The following MBTPS1 variants were observed in gnomAD, a reference collection of about 807,000 sequenced individuals.
MBTPS1 encodes membrane bound transcription factor peptidase, site 1.
MBTPS1 carries 94 observed loss-of-function variants against 127.8 expected under a neutral mutation model. The ratio of observed to expected loss-of-function variants is 0.74; its 90% CI spans 0.62 to 0.87. The LOEUF (loss-of-function observed/expected upper bound fraction) is 0.87. Ranked by LOEUF, MBTPS1 falls within the 40% of genes least tolerant of loss-of-function variation. The pLI, the probability that MBTPS1 is intolerant of heterozygous loss-of-function variation, is 0.00. For synonymous variants in MBTPS1, 632 were observed against 509.4 expected (o/e 1.24, Z -3.24); for missense variants, 1,636 against 1,353.2 (o/e 1.21, Z -3.28).
intron 9 of MBTPS1, among the ~76,000 whole-genome samples, chr16:84,086,912 T>C (rs1166258113): frequency 3.3e-5 from 5 of 152,194 alleles, no homozygotes; most frequent in Admixed American, 6.5e-5. Flanking sequence ...TACAATTGTT[T>C]CTGTGTTAGC....
rs768025066 is a variant in MBTPS1, at chr16:84,095,697, G to A, written c.530C>T (p.Thr177Met). 5 of 1,614,206 alleles carry A rather than the reference G, an allele frequency of 3.1e-6. No homozygotes were observed. The highest frequency in any genetic ancestry group is 2.2e-5 in the South Asian group (2 of 91,090). Residue 177 changes from threonine (T) to methionine (M), a missense_variant, in exon 4 of 23, where the codon ACG (threonine) becomes ATG (methionine). By Grantham distance (81) the Thr-to-Met change is moderately conservative (BLOSUM62 -1). Transcript: ENST00000343411. ...CAGCCGTCTGCTCGAATGCCTTCCC[G>A]TAGCATGCCAGAAGCCAGAGCCCAG... ...LSLGSGFWHA[T>M]GRHSSRRLLR...
chr16:84,060,607 CA>C, intron 20 of MBTPS1, 74 bp downstream of exon 20: 1 of 1,541,594 alleles, frequency 6.5e-7, no homozygotes, highest in South Asian at 1.2e-5. Context: ...CTGGCAGGCA[CA>C]GCCACTGGCT....
chr16:84,087,258 G>A (rs1057124912), intron 9 of MBTPS1, 100 bp downstream of exon 9: 5 of 850,382 alleles, frequency 5.9e-6, no homozygotes, highest in Non-Finnish European at 7.9e-6. Context: ...GAGGGTGTCT[G>A]TGCACTTACA....
At chr16:84,115,559 G>T (rs946605408) in intron 1 of MBTPS1, among the ~76,000 whole-genome samples, 1 of 152,232 alleles carries the variant, frequency 6.6e-6, no homozygotes, top group African/African-American at 2.4e-5. Flanking sequence ...TAAAAGGAAT[G>T]AAATCCTGAT....
At chr16:84,065,632 G>C in intron 18 of MBTPS1, 58 bp downstream of exon 18, 1 of 1,084,712 alleles carries the variant, frequency 9.2e-7, no homozygotes, top group South Asian at 1.2e-5. Flanking sequence ...AGAGAGAAGC[G>C]GGGGAAAAGG....
chr16:84,099,801 T>C (rs1304406285), intron 2 of MBTPS1, among the ~76,000 whole-genome samples: 1 of 151,228 alleles, frequency 6.6e-6, no homozygotes, highest in Non-Finnish European at 1.5e-5. Flanking sequence ...AAGATCTCTA[T>C]GAATCACCTA....
chr16:84,108,775 G>T lies in MBTPS1; in HGVS notation c.-324-6668C>A, dbSNP rs753042726. Among the ~76,000 whole-genome samples the T allele has an allele frequency of 2.0e-5, 3 of 152,308 alleles. No homozygotes were observed. In the South Asian group the frequency reaches 6.2e-4, roughly 32 times the overall value. ...AGCCTGGCAAGTGAAGAAGGCACCAGGCAGGCAGTGGGGTGATAGCAGTGA... is the reference window on the plus strand; with the variant it reads ...AGCCTGGCAAGTGAAGAAGGCACCATGCAGGCAGTGGGGTGATAGCAGTGA... On this transcript the variant is annotated intron_variant, in intron 1 of 22. Transcript: ENST00000343411.
chr16:84,090,988 C>G (rs1188396051), intron 7 of MBTPS1, 46 bp from the exon 8 acceptor site: 1 of 904,352 alleles, frequency 1.1e-6, no homozygotes, highest in Admixed American at 2.4e-5. Flanking sequence ...TTTCATTAAA[C>G]ATATAACTGT....
At chr16:84,105,782 C>T (rs1396962998) in intron 1 of MBTPS1, among the ~76,000 whole-genome samples, 3 of 152,120 alleles carry the variant, frequency 2.0e-5, no homozygotes, top group African/African-American at 4.8e-5. Context: ...CACAGCCCAA[C>T]GACGAGACTG....
chr16:84,059,378 G>C lies in MBTPS1; in HGVS notation c.2755C>G (p.Pro919Ala), dbSNP rs766765676. ...CAGGCTGGTAGAGGCCGAGGTTTTG[G>C]GTCTCCCAAATGGGCCTCCAGAACC... is the stretch of plus-strand genomic sequence containing the variant. The part of the protein sequence containing the change: ...SKVLEAHLGD[P>A]KPRPLPACPR... Residue 919 changes from proline (P) to alanine (A), a missense_variant, in exon 21 of 23, where the codon CCA becomes GCA. Transcript: ENST00000343411. The C allele has an allele frequency of 1.4e-5, 22 of 1,614,022 alleles. No homozygotes were observed. The highest frequency in any genetic ancestry group is 1.4e-5 in the Non-Finnish European group (16 of 1,180,004).
intron 1 of MBTPS1, chr16:84,110,850 G>C (rs1306422329): frequency 6.6e-6 from 1 of 152,176 alleles, no homozygotes; most frequent in Non-Finnish European, 1.5e-5. Context: ...CAAGAAGTAT[G>C]AATCTGGAAG....
chr16:84,054,694 A>T (rs1459947588), intron 22 of MBTPS1, 49 bp from the exon 23 acceptor site: 1 of 1,419,260 alleles, frequency 7.0e-7, no homozygotes, highest in Non-Finnish European at 9.5e-7. Context: ...CAGAGCTACC[A>T]TGACGGCCTT....
intron 1 of MBTPS1, 84 bp from the exon 2 acceptor site, chr16:84,102,191 C>T (rs1019486511): frequency 6.5e-6 from 1 of 154,240 alleles, no homozygotes; most frequent in African/African-American, 2.4e-5. Flanking sequence ...ATAATTTAAG[C>T]AAGTGGGTCA....
In MBTPS1 at chr16:84,056,124, T is replaced by C. The variant is rs778242766; in HGVS notation, c.2843A>G (p.Lys948Arg). The C allele has an allele frequency of 6.2e-6, 10 of 1,613,770 alleles. No individual in the cohort carries two copies. In the South Asian group the frequency reaches 9.9e-5, roughly 16 times the overall value. The change falls in exon 22 of 23, where the codon AAA (lysine) becomes AGA (arginine). Residue 948 changes from lysine (K) to arginine (R), a missense_variant. Lys to Arg is a conservative substitution (Grantham distance 26, BLOSUM62 2). Transcript: ENST00000343411. Reference sequence around the variant, plus strand: ...GTCAATGGAGAGTAGCTTCTGATGTTTCCAAAGGTTACTTCAGGAAAATGG... The same window carrying C: ...GTCAATGGAGAGTAGCTTCTGATGTCTCCAAAGGTTACTTCAGGAAAATGG... Reference protein sequence around the residue: ...LNETAPSNLWKHQKLLSIDLD... With the variant: ...LNETAPSNLWRHQKLLSIDLD...
At chr16:84,072,041 TGAAAGATGTACCACCTA>T (rs1196699959) in intron 12 of MBTPS1, 2 of 152,322 alleles carry the variant, frequency 1.3e-5, no homozygotes, top group African/African-American at 4.8e-5. Context: ...AGCTGAAAGC[TGAAAGATGTACCACCTA>T]GAATAGCCAA....
At chr16:84,092,325 C>T (rs1258321502) in intron 6 of MBTPS1, among the ~76,000 whole-genome samples, 2 of 152,176 alleles carry the variant, frequency 1.3e-5, no homozygotes, top group African/African-American at 4.8e-5. Flanking sequence ...TTCAAGTGCT[C>T]CTATGTTCCT....
chr16:84,101,704 T>A lies in MBTPS1; in HGVS notation c.80A>T (p.Lys27Met). The change falls in exon 2 of 23, where the codon AAG becomes ATG. Residue 27 changes from lysine (K) to methionine (M), a missense_variant. Coordinates refer to ENST00000343411, the MANE Select transcript of MBTPS1 (RefSeq NM_003791.4). ...GKKHLGDRLE[K>M]KSFEKAPCPG... ...GCATGGGGCCTTTTCAAAAGATTTC[T>A]TTTCCAGTCTGTCGCCCAGATGTTT... 1 of 1,614,170 alleles carries A rather than the reference T, an allele frequency of 6.2e-7. No individual in the cohort carries two copies. The highest frequency in any genetic ancestry group is 1.1e-5 in the South Asian group (1 of 91,086).
chr16:84,064,164 A>C (rs533599234), intron 18 of MBTPS1, among the ~76,000 whole-genome samples: 82 of 152,120 alleles, frequency 5.4e-4, no homozygotes, highest in African/African-American at 1.8e-3. Flanking sequence ...TTTCCTCAGC[A>C]CTAGAACATG....
chr16:84,098,439 T>A (rs11865149), intron 3 of MBTPS1, among the ~76,000 whole-genome samples: 1 of 151,998 alleles, frequency 6.6e-6, no homozygotes, highest in African/African-American at 2.4e-5. Context: ...GGAGAAACCC[T>A]GTCTCTACTA....
Sources: allele counts gnomAD v4.1 joint callset (sites outside exome capture counted in the v4.1 genomes callset), GRCh38; gene constraint gnomAD v4.1.1; transcripts MANE v1.5; gene names NCBI Gene and HGNC (gene_info 2026-07-23, HGNC 2026-07-21).